STIM1: variants seen among roughly 807,000 people sequenced by gnomAD.
The protein encoded by STIM1 is stromal interaction molecule 1.
In STIM1, 25 loss-of-function variants were observed where a neutral mutation model predicts 74.7. That is an observed-to-expected ratio of 0.33 (90% CI 0.24 to 0.47). The LOEUF (loss-of-function observed/expected upper bound fraction) is 0.47. Ranked by LOEUF, STIM1 falls within the 20% of genes least tolerant of loss-of-function variation. The probability of loss-of-function intolerance (pLI) is 1.00; values close to 1 mark genes in which losing one functional copy is unlikely to be tolerated. For synonymous variants in STIM1, 328 were observed against 348.8 expected (o/e 0.94, Z 0.66); for missense variants, 728 against 920.8 (o/e 0.79, Z 2.71).
intron 6 of STIM1, 28 bp from the exon 7 acceptor site, chr11:4,074,474 C>G (rs1415604214): frequency 6.2e-7 from 1 of 1,612,532 alleles, no homozygotes; most frequent in Admixed American, 1.7e-5. Context: ...TGCCTGGCCT[C>G]CTCCAGCTCC....
chr11:4,046,976 T>C (rs1232002215), intron 3 of STIM1, among the ~76,000 whole-genome samples: 1 of 152,192 alleles, frequency 6.6e-6, no homozygotes, highest in Non-Finnish European at 1.5e-5. Flanking sequence ...TTGACAAGCA[T>C]TTCAGAAGTT....
chr11:3,938,656 G>A (rs1460274056), intron 1 of STIM1, among the ~76,000 whole-genome samples: 1 of 152,142 alleles, frequency 6.6e-6, no homozygotes, highest in East Asian at 1.9e-4. Context: ...AGACCAGCCT[G>A]GCCAACATGG....
At position 3,961,122 on chromosome 11, in the gene STIM1, C is replaced by T. The variant is rs867455159; in HGVS notation, c.140-6430C>T. Among the ~76,000 whole-genome samples, 49 of 152,038 alleles carry T rather than the reference C, an allele frequency of 3.2e-4. 2 individuals are homozygous for T. Among genetic ancestry groups the T allele is most frequent in the Non-Finnish European group, 2.1e-4 (14 of 68,012 alleles). On this transcript the variant is annotated intron_variant, in intron 1 of 12. Coordinates refer to ENST00000526596, the MANE Select transcript of STIM1 (RefSeq NM_001382567.1). Reference sequence around the variant, plus strand: ...CACTCAAGTGATCCTCCTACTTCAGCCTTCTGAGTAGCTGGGACTACAGGC... The same window carrying T: ...CACTCAAGTGATCCTCCTACTTCAGTCTTCTGAGTAGCTGGGACTACAGGC...
intron 1 of STIM1, 136 bp downstream of exon 1, chr11:3,856,545 G>C: frequency 8.9e-7 from 1 of 1,122,414 alleles, no homozygotes; most frequent in Non-Finnish European, 1.2e-6. Context: ...CCTGTTCCAA[G>C]TAGTTCAAGA....
At chr11:4,079,368 G>A (rs2094453212) in intron 7 of STIM1, among the ~76,000 whole-genome samples, 1 of 151,664 alleles carries the variant, frequency 6.6e-6, no homozygotes, top group Non-Finnish European at 1.5e-5. Context: ...GAGGTCAGGA[G>A]TTCGAGACCA....
chr11:3,855,107 G>A (rs1323704583), upstream of STIM1: 1 of 152,308 alleles, frequency 6.6e-6, no homozygotes, highest in Non-Finnish European at 1.5e-5. Flanking sequence ...GCAGAGAGGC[G>A]GAAGCCGATT....
chr11:3,922,740 C>T (rs7102215), intron 1 of STIM1: 44,838 of 179,690 alleles, frequency 0.25, 6,784 homozygotes, highest in South Asian at 0.45. Flanking sequence ...TTTAAGGATT[C>T]TTCTTCCTTA....
rs935386568 is a variant in STIM1, at chr11:3,882,457, TTATC to T, written c.139+26052_139+26055del. Among the ~76,000 whole-genome samples, 8 of 152,330 alleles carry T rather than the reference TTATC, an allele frequency of 5.3e-5. No homozygotes were observed. The South Asian group carries it at 6.2e-4, about 12-fold the overall frequency. ...ATTGTATGTTTATACAATAATTTGT[TTATC>T]TATTCATCCACACGTGGGCAATTTG... On this transcript the variant is annotated intron_variant, in intron 1 of 12. Coordinates refer to ENST00000526596, the MANE Select transcript of STIM1 (RefSeq NM_001382567.1).
At chr11:4,011,352 C>T (rs112221530) in intron 2 of STIM1, among the ~76,000 whole-genome samples, 3 of 152,314 alleles carry the variant, frequency 2.0e-5, no homozygotes, top group African/African-American at 7.2e-5. Context: ...AAAAGCATTC[C>T]TATTTCTCCA....
intron 1 of STIM1, among the ~76,000 whole-genome samples, chr11:3,890,063 G>A (rs924941322): frequency 5.9e-5 from 9 of 152,072 alleles, no homozygotes; most frequent in Middle Eastern, 3.4e-3. Flanking sequence ...CATGTGTTTC[G>A]ACAGTTTCAT....
intron 5 of STIM1, among the ~76,000 whole-genome samples, chr11:4,063,873 G>C (rs142510270): frequency 6.6e-6 from 1 of 152,254 alleles, no homozygotes; most frequent in East Asian, 1.9e-4. Flanking sequence ...GACATTTTAT[G>C]ATTTTTGGGA....
chr11:4,083,759 T>C, intron 10 of STIM1: 1 of 496,846 alleles, frequency 2.0e-6, no homozygotes, highest in Non-Finnish European at 3.6e-6. Context: ...TTTTTCACTT[T>C]ATTGTCCCTA....
At chr11:4,086,899 C>T in intron 12 of STIM1, 3 of 1,509,756 alleles carry the variant, frequency 2.0e-6, no homozygotes, top group Non-Finnish European at 2.7e-6. Context: ...CCCTTCCTTC[C>T]CTTTCTGCTG....
chr11:4,042,743 T>G (rs2094158046), intron 3 of STIM1, among the ~76,000 whole-genome samples: 1 of 152,218 alleles, frequency 6.6e-6, no homozygotes, highest in Non-Finnish European at 1.5e-5. Flanking sequence ...TCACGATTCT[T>G]TCTTCTGGCA....
At chr11:3,879,528 T>C (rs2091423129) in intron 1 of STIM1, among the ~76,000 whole-genome samples, 1 of 152,246 alleles carries the variant, frequency 6.6e-6, no homozygotes, top group South Asian at 2.1e-4. Flanking sequence ...TGCTCTGCAC[T>C]TTACAAATCA....
intron 1 of STIM1, among the ~76,000 whole-genome samples, chr11:3,962,010 C>T (rs993447940): frequency 1.3e-5 from 2 of 152,124 alleles, no homozygotes; most frequent in African/African-American, 2.4e-5. Flanking sequence ...ATTGAAACTA[C>T]CTAGTTAACT....
intron 3 of STIM1, among the ~76,000 whole-genome samples, chr11:4,042,704 C>T (rs1373107853): frequency 6.6e-6 from 1 of 152,186 alleles, no homozygotes; most frequent in Admixed American, 6.6e-5. Context: ...TCTGAGCATG[C>T]TTCACATCTT....
chr11:3,890,071 C>A (rs2135371882), intron 1 of STIM1, among the ~76,000 whole-genome samples: 1 of 152,262 alleles, frequency 6.6e-6, no homozygotes, highest in African/African-American at 2.4e-5. Context: ...TCGACAGTTT[C>A]ATGAGTGTTA....
intron 2 of STIM1, among the ~76,000 whole-genome samples, chr11:3,985,266 G>A (rs2135818149): frequency 6.6e-6 from 1 of 152,316 alleles, no homozygotes; most frequent in Non-Finnish European, 1.5e-5. Flanking sequence ...CGATGACAGG[G>A]ATGAGATATA....
Sources: allele counts gnomAD v4.1 joint callset (sites outside exome capture counted in the v4.1 genomes callset), GRCh38; gene constraint gnomAD v4.1.1; transcripts MANE v1.5; gene names NCBI Gene and HGNC (gene_info 2026-07-23, HGNC 2026-07-21).